Variants in PRKCQ observed in about 807,000 individuals in gnomAD.
PRKCQ encodes the protein protein kinase C theta type.
In PRKCQ, 41 loss-of-function variants were observed where a neutral mutation model predicts 91.2. The ratio of observed to expected loss-of-function variants is 0.45; its 90% CI spans 0.35 to 0.58. PRKCQ has a LOEUF of 0.58. Ranked by LOEUF, PRKCQ falls within the 20% of genes least tolerant of loss-of-function variation. PRKCQ has a pLI of 0.00. For missense variants in PRKCQ, 673 were observed against 896.5 expected (o/e 0.75, Z 3.18); for synonymous variants, 307 against 316.9 (o/e 0.97, Z 0.33).
intron 1 of PRKCQ, among the ~76,000 whole-genome samples, chr10:6,537,582 G>C (rs2130910862): frequency 1.3e-5 from 2 of 152,290 alleles, no homozygotes; most frequent in South Asian, 4.2e-4. Context: ...ACAGGTCTTT[G>C]AGCTCCTGTA....
At chr10:6,404,572 T>C in the PRKCQ span, among the ~76,000 whole-genome samples, 1 of 134,910 alleles carries the variant, frequency 7.4e-6, no homozygotes, top group African/African-American at 2.6e-5. Flanking sequence ...CTTCCTTCTT[T>C]CTCTTTCTTT....
intron 16 of PRKCQ, 45 bp downstream of exon 16, chr10:6,441,848 A>C: frequency 6.5e-7 from 1 of 1,540,954 alleles, no homozygotes; most frequent in Non-Finnish European, 8.8e-7. Flanking sequence ...TGACCAGAAG[A>C]CCTAATGCTC....
At position 6,428,091 on chromosome 10, in the gene PRKCQ, CTT is replaced by C; in HGVS notation, c.*114_*115del. On this transcript the variant is annotated 3_prime_UTR_variant, in exon 18 of 18. Transcript: ENST00000263125. ...CACATGGGGGCGAACGGGTCTCAGT[CTT>C]TATTGTTGAGTGTTTCTTTCTTTTT... is the stretch of plus-strand genomic sequence containing the variant. The C allele has an allele frequency of 1.5e-6, 2 of 1,368,776 alleles. No homozygotes were observed. Among genetic ancestry groups the C allele is most frequent in the East Asian group, 4.6e-5 (2 of 43,324 alleles). 84.8% of individuals were successfully genotyped at this position (1,368,776 alleles called of 1,614,324 possible).
chr10:6,418,230 A>G, the PRKCQ span, among the ~76,000 whole-genome samples: 1 of 152,236 alleles, frequency 6.6e-6, no homozygotes, highest in African/African-American at 2.4e-5. Context: ...GAAAAGATGC[A>G]TCTCTAAAAC....
intron 11 of PRKCQ, among the ~76,000 whole-genome samples, chr10:6,481,455 A>G (rs1420744843): frequency 6.6e-6 from 1 of 152,262 alleles, no homozygotes; most frequent in African/African-American, 2.4e-5. Flanking sequence ...CTAAATTACA[A>G]TGAAGACTGG....
intron 1 of PRKCQ, among the ~76,000 whole-genome samples, chr10:6,567,396 C>A (rs976798487): frequency 2.0e-5 from 3 of 152,264 alleles, no homozygotes; most frequent in Admixed American, 2.0e-4. Flanking sequence ...GATAGCAGAA[C>A]ACACGGATGG....
intron 11 of PRKCQ, among the ~76,000 whole-genome samples, chr10:6,481,161 G>A (rs1233810558): frequency 6.6e-6 from 1 of 152,214 alleles, no homozygotes; most frequent in African/African-American, 2.4e-5. Flanking sequence ...TGGACATGGA[G>A]TGGGGGAAAC....
At chr10:6,467,369 G>GAC (rs1835727491) in intron 12 of PRKCQ, among the ~76,000 whole-genome samples, 1 of 109,906 alleles carries the variant, frequency 9.1e-6, no homozygotes, top group Non-Finnish European at 2.0e-5. Flanking sequence ...GAGAGAGAGA[G>GAC]AGAGACAGAG....
chr10:6,577,097 T>A (rs1280076065), intron 1 of PRKCQ, among the ~76,000 whole-genome samples: 3 of 152,154 alleles, frequency 2.0e-5, no homozygotes, highest in African/African-American at 7.2e-5. Context: ...AAAGCTAACA[T>A]CAACCTACAG....
intron 16 of PRKCQ, among the ~76,000 whole-genome samples, chr10:6,440,318 C>G (rs747529033): frequency 2.0e-5 from 3 of 152,170 alleles, no homozygotes; most frequent in African/African-American, 7.2e-5. Flanking sequence ...GCAGAATCAG[C>G]GTTGGTACAG....
At chr10:6,444,417 G>C (rs558294215) in intron 15 of PRKCQ, among the ~76,000 whole-genome samples, 3 of 151,940 alleles carry the variant, frequency 2.0e-5, no homozygotes, top group African/African-American at 7.3e-5. Flanking sequence ...TTCATGTTAC[G>C]TGTATTTTCC....
At chr10:6,487,816 G>A (rs1179930534) in intron 8 of PRKCQ, among the ~76,000 whole-genome samples, 1 of 151,922 alleles carries the variant, frequency 6.6e-6, no homozygotes, top group East Asian at 1.9e-4. Flanking sequence ...TGGCCAACAT[G>A]GTGAAACCTC....
At chr10:6,415,283 C>T in the PRKCQ span, among the ~76,000 whole-genome samples, 3 of 151,512 alleles carry the variant, frequency 2.0e-5, no homozygotes, top group South Asian at 4.2e-4. Flanking sequence ...TTTAAATCCA[C>T]ACCACCCAAT....
At chr10:6,561,663 C>T (rs747466346) in intron 1 of PRKCQ, among the ~76,000 whole-genome samples, 5 of 152,168 alleles carry the variant, frequency 3.3e-5, no homozygotes, top group African/African-American at 7.2e-5. Flanking sequence ...ATTCTCAGAA[C>T]GGCTCCATAA....
intron 15 of PRKCQ, among the ~76,000 whole-genome samples, chr10:6,447,951 G>A (rs1834416017): frequency 6.6e-6 from 1 of 152,120 alleles, no homozygotes; most frequent in Non-Finnish European, 1.5e-5. Flanking sequence ...GGTTTTTGAG[G>A]GCAAAAGGGG....
intron 1 of PRKCQ, among the ~76,000 whole-genome samples, chr10:6,564,499 A>G (rs955288318): frequency 2.6e-5 from 4 of 151,986 alleles, no homozygotes; most frequent in Admixed American, 2.6e-4. Context: ...CCAAAGACCA[A>G]AGCAGCAGGA....
chr10:6,443,309 G>C (rs983908929), intron 15 of PRKCQ, among the ~76,000 whole-genome samples: 2 of 152,302 alleles, frequency 1.3e-5, no homozygotes, highest in African/African-American at 4.8e-5. Context: ...AAAATGTGCC[G>C]GTGGGTAAAT....
At chr10:6,571,657 T>C (rs1023564694) in intron 1 of PRKCQ, among the ~76,000 whole-genome samples, 2 of 152,102 alleles carry the variant, frequency 1.3e-5, no homozygotes, top group African/African-American at 4.8e-5. Flanking sequence ...AACATAAAAA[T>C]TAACCAGGTG....
chr10:6,562,857 A>T (rs1035611769), intron 1 of PRKCQ, among the ~76,000 whole-genome samples: 9 of 152,198 alleles, frequency 5.9e-5, no homozygotes, highest in Non-Finnish European at 1.0e-4. Flanking sequence ...AGTGATTAGA[A>T]CAGTTACTAG....
Sources: allele counts gnomAD v4.1 joint callset (sites outside exome capture counted in the v4.1 genomes callset), GRCh38; gene constraint gnomAD v4.1.1; transcripts MANE v1.5; gene names NCBI Gene and HGNC (gene_info 2026-07-23, HGNC 2026-07-21).